Variants in POLN observed in about 807,000 individuals in gnomAD.
POLN encodes the protein DNA polymerase N.
POLN carries 108 observed loss-of-function variants against 113.5 expected under a neutral mutation model. The ratio of observed to expected loss-of-function variants is 0.95; its 90% CI spans 0.81 to 1.12. The LOEUF is 1.12. Ranked by LOEUF, POLN falls within the 50% of genes most tolerant of loss-of-function variation. The probability of loss-of-function intolerance (pLI) is 0.00; values close to 1 mark genes in which losing one functional copy is unlikely to be tolerated. For missense variants in POLN, 1,097 were observed against 1,077.1 expected (o/e 1.02, Z -0.26); for synonymous variants, 386 against 391.5 (o/e 0.99, Z 0.17).
intron 19 of POLN, among the ~76,000 whole-genome samples, chr4:2,112,992 C>T (rs1731233205): frequency 1.3e-5 from 2 of 151,928 alleles, no homozygotes; most frequent in South Asian, 2.1e-4. Context: ...AACCCAAATG[C>T]CCAACAATGA....
At chr4:2,238,870 A>T in intron 2 of POLN, 1 of 1,613,286 alleles carries the variant, frequency 6.2e-7, no homozygotes, top group Non-Finnish European at 8.5e-7. Flanking sequence ...AATCTTGTTT[A>T]GCAATCTGCA....
chr4:2,072,903 T>C, intron 25 of POLN, 65 bp downstream of exon 25: 1 of 1,544,318 alleles, frequency 6.5e-7, no homozygotes, highest in South Asian at 1.1e-5. Flanking sequence ...TCTTTTGCCC[T>C]GGGGGTGCTG....
intron 16 of POLN, among the ~76,000 whole-genome samples, chr4:2,151,435 G>A (rs532658517): frequency 3.7e-4 from 56 of 152,290 alleles, no homozygotes; most frequent in Middle Eastern, 3.4e-3. Context: ...TACACCTACT[G>A]TATGACTAGC....
chr4:2,230,927 T>C (rs1285528052), intron 2 of POLN: 34 of 152,234 alleles, frequency 2.2e-4, no homozygotes, highest in Admixed American at 2.2e-3. Context: ...ATTTTTGCTC[T>C]TAAACTGATT....
At chr4:2,090,363 A>G (rs2108695771) in intron 20 of POLN, 1 of 708,456 alleles carries the variant, frequency 1.4e-6, no homozygotes, top group Admixed American at 2.5e-5. Context: ...TCATGTGATC[A>G]AGGCATGAAT....
chr4:2,195,191 G>A (rs1733544400), intron 6 of POLN, among the ~76,000 whole-genome samples: 2 of 152,072 alleles, frequency 1.3e-5, no homozygotes, highest in African/African-American at 4.8e-5. Context: ...TCATAGGATT[G>A]GGATTATTAT....
intron 3 of POLN, among the ~76,000 whole-genome samples, chr4:2,221,905 C>T (rs1734261980): frequency 1.3e-5 from 2 of 152,276 alleles, no homozygotes; most frequent in African/African-American, 2.4e-5. Flanking sequence ...TGGAAGCCCC[C>T]TCTTCGAGTT....
At chr4:2,170,874 C>A in intron 12 of POLN, 100 bp from the exon 13 acceptor site, 1 of 1,086,370 alleles carries the variant, frequency 9.2e-7, no homozygotes, top group South Asian at 1.4e-5. Context: ...AGAAGACACA[C>A]CCAAACAGAC....
intron 19 of POLN, among the ~76,000 whole-genome samples, chr4:2,104,685 G>C (rs989406637): frequency 6.6e-6 from 1 of 152,186 alleles, no homozygotes; most frequent in African/African-American, 2.4e-5. Context: ...ACCCAGCAGA[G>C]AGCCTCACTT....
intron 3 of POLN, among the ~76,000 whole-genome samples, chr4:2,224,376 T>G (rs1358692091): frequency 6.6e-6 from 1 of 152,202 alleles, no homozygotes; most frequent in Non-Finnish European, 1.5e-5. Context: ...TGTTTTACAA[T>G]TAGCTTTTTT....
chr4:2,186,500 C>T (rs981189786), intron 7 of POLN, among the ~76,000 whole-genome samples: 3 of 152,104 alleles, frequency 2.0e-5, no homozygotes, highest in Non-Finnish European at 4.4e-5. Context: ...GGATGGGGAG[C>T]GCTCTGAAGT....
chr4:2,158,814 A>C (rs1482043699), intron 14 of POLN, among the ~76,000 whole-genome samples: 1 of 152,230 alleles, frequency 6.6e-6, no homozygotes, highest in African/African-American at 2.4e-5. Context: ...CAGACCTAGA[A>C]GCCAGGGAGG....
chr4:2,161,861 G>A (rs543226243), intron 13 of POLN, among the ~76,000 whole-genome samples: 1 of 152,324 alleles, frequency 6.6e-6, no homozygotes, highest in South Asian at 2.1e-4. Context: ...CTCAGGGTTT[G>A]TGAATGCACC....
intron 13 of POLN, among the ~76,000 whole-genome samples, chr4:2,162,536 AACCTCCACCT>A (rs1382062835): frequency 6.6e-6 from 1 of 152,200 alleles, no homozygotes; most frequent in East Asian, 1.9e-4. Context: ...GGCTCACTGC[AACCTCCACCT>A]CTGGGGCTCA....
intron 16 of POLN, among the ~76,000 whole-genome samples, chr4:2,141,909 T>C (rs923037400): frequency 6.6e-6 from 1 of 152,160 alleles, no homozygotes; most frequent in African/African-American, 2.4e-5. Context: ...ACGCTCTGAG[T>C]TTCTAACCCA....
rs1730189552 is a variant in POLN, at chr4:2,073,036, T to C, written c.2456-7A>G. The C allele has an allele frequency of 1.2e-6, 2 of 1,612,966 alleles. No homozygotes were observed. On this transcript the variant is annotated splice_region_variant and splice_polypyrimidine_tract_variant and intron_variant, in intron 24 of 25. Transcript: ENST00000511885. ...ATGGTCCTCCTGACGAGAGCTAGAG[T>C]GCGGAAGAGAGAGGAGGCCCTGCTG...
intron 2 of POLN, chr4:2,236,245 G>C: frequency 4.3e-6 from 7 of 1,609,592 alleles, no homozygotes; most frequent in Non-Finnish European, 5.9e-6. Flanking sequence ...CTAAGCAAAA[G>C]CTGATTTCCT....
rs1730537105 is a variant in POLN at position 2,085,809 on chromosome 4, C to T, written c.2066-65G>A. ...CCAGCCGTGACTGTGTGCATGGGCT[C>T]AGTGAGTCAGGTCCAGCTGGCAGCA... On this transcript the variant is annotated intron_variant, in intron 20 of 25. Transcript: ENST00000511885. The T allele has an allele frequency of 6.9e-6, 11 of 1,596,744 alleles. 1 individual carries two copies. In the South Asian group the frequency reaches 1.1e-4, roughly 16 times the overall value.
chr4:2,218,207 G>T (rs776037132), intron 3 of POLN, among the ~76,000 whole-genome samples: 8 of 151,210 alleles, frequency 5.3e-5, no homozygotes, highest in Non-Finnish European at 1.2e-4. Context: ...CAAGGCAGGC[G>T]GATCATCTAA....
Sources: allele counts gnomAD v4.1 joint callset (sites outside exome capture counted in the v4.1 genomes callset), GRCh38; gene constraint gnomAD v4.1.1; transcripts MANE v1.5; gene names NCBI Gene and HGNC (gene_info 2026-07-23, HGNC 2026-07-21).